RASA3: variants seen among roughly 807,000 people sequenced by gnomAD.
RASA3 encodes ras GTPase-activating protein 3.
Under a neutral mutation model 110.0 loss-of-function variants are expected in RASA3, and 73 were observed. The ratio of observed to expected loss-of-function variants is 0.66; its 90% CI spans 0.55 to 0.81. The LOEUF is 0.81. Ranked by LOEUF, RASA3 falls within the 30% of genes least tolerant of loss-of-function variation. The probability of loss-of-function intolerance (pLI) is 0.00; values close to 1 mark genes in which losing one functional copy is unlikely to be tolerated. For synonymous variants in RASA3, 500 were observed against 451.4 expected (o/e 1.11, Z -1.37); for missense variants, 976 against 1,113.2 (o/e 0.88, Z 1.75).
intron 2 of RASA3, among the ~76,000 whole-genome samples, chr13:114,060,040 C>T (rs759636421): frequency 2.0e-4 from 30 of 152,202 alleles, no homozygotes; most frequent in Non-Finnish European, 3.4e-4. Flanking sequence ...TGAGGAGACC[C>T]GCAGGAGGAC....
At chr13:114,030,010 A>C (rs1367817523) in intron 4 of RASA3, 123 bp from the exon 5 acceptor site, 4 of 829,866 alleles carry the variant, frequency 4.8e-6, no homozygotes, top group Non-Finnish European at 7.8e-6. Flanking sequence ...GCCCTGGCCA[A>C]TGGGCACGTC....
intron 2 of RASA3, among the ~76,000 whole-genome samples, chr13:114,054,881 G>T (rs1466550251): frequency 6.6e-6 from 1 of 152,256 alleles, no homozygotes; most frequent in African/African-American, 2.4e-5. Flanking sequence ...CTGATCTCCT[G>T]CGTCTGCGTG....
chr13:114,080,814 C>T (rs927221984), intron 1 of RASA3, among the ~76,000 whole-genome samples: 1 of 145,990 alleles, frequency 6.8e-6, no homozygotes, highest in African/African-American at 2.5e-5. Flanking sequence ...TGTCCTGCTG[C>T]ACACGGTGCC....
chr13:114,032,488 C>A (rs1005997318), intron 4 of RASA3, among the ~76,000 whole-genome samples: 10 of 152,144 alleles, frequency 6.6e-5, no homozygotes, highest in Admixed American at 2.0e-4. Flanking sequence ...GAAACCCTTG[C>A]CTGTGAACCC....
chr13:114,001,983 C>T (rs1157233807), intron 18 of RASA3, among the ~76,000 whole-genome samples: 3 of 152,282 alleles, frequency 2.0e-5, no homozygotes, highest in African/African-American at 7.2e-5. Flanking sequence ...GCGAGGAGGA[C>T]CTCAAGCCTT....
chr13:114,072,395 TTC>T (rs1397017035), intron 2 of RASA3, among the ~76,000 whole-genome samples: 1 of 152,206 alleles, frequency 6.6e-6, no homozygotes, highest in African/African-American at 2.4e-5. Flanking sequence ...GAGTTTGTTT[TTC>T]TTGGCTGACT....
chr13:113,992,595 A>G lies in RASA3; in HGVS notation c.2142-7T>C, dbSNP rs751072275. On this transcript the variant is annotated splice_polypyrimidine_tract_variant and splice_region_variant and intron_variant, in intron 21 of 23. Transcript: ENST00000334062. ...GATGTTGGCTGGGAGGCCGCTGTCCAGACACAGCAAGAACAGAAAGATAAA... is the reference window on the plus strand; with the variant it reads ...GATGTTGGCTGGGAGGCCGCTGTCCGGACACAGCAAGAACAGAAAGATAAA... The G allele has an allele frequency of 1.2e-6, 2 of 1,601,658 alleles. No individual in the cohort carries two copies. The highest frequency in any genetic ancestry group is 3.3e-5 in the Admixed American group (2 of 59,948).
intron 1 of RASA3, among the ~76,000 whole-genome samples, chr13:114,076,863 A>G (rs1184719275): frequency 1.3e-5 from 2 of 152,124 alleles, no homozygotes; most frequent in Admixed American, 6.5e-5. Context: ...ACACAGCTTG[A>G]CTTTGCTGAC....
intron 1 of RASA3, among the ~76,000 whole-genome samples, chr13:114,130,278 G>C (rs146821044): frequency 6.6e-6 from 1 of 152,330 alleles, no homozygotes; most frequent in Non-Finnish European, 1.5e-5. Flanking sequence ...GGAGGGGAGA[G>C]GAAACGGGGA....
rs148118462 is a variant in RASA3, at chr13:114,033,990, C to A, written c.373-4103G>T. 7.7e-3 allele frequency among the ~76,000 whole-genome samples: 1,180 copies of A among 152,372 alleles called. 9 individuals are homozygous for A. Among genetic ancestry groups the A allele is most frequent in the Non-Finnish European group, 0.013 (885 of 68,036 alleles). On this transcript the variant is annotated intron_variant, in intron 4 of 23. Coordinates refer to ENST00000334062, the MANE Select transcript of RASA3 (RefSeq NM_007368.4). ...TTCCCACACCCATCAGAGCTCAGGG[C>A]TGAGCGGAGTATCGCCTGTGGTCCT...
chr13:114,076,376 G>C lies in RASA3; in HGVS notation c.56-2539C>G, dbSNP rs191448416. On this transcript the variant is annotated intron_variant, in intron 1 of 23. Transcript: ENST00000334062. The stretch of plus-strand genomic sequence containing the variant: ...TGCGCCTTCTTCACCCGCTGCATGG[G>C]AGAACACAGCTAGGCTGCTACGAGG... 2.9e-4 allele frequency among the ~76,000 whole-genome samples: 44 copies of C among 152,318 alleles called. No homozygotes were observed. The East Asian group carries it at 8.5e-3, about 29-fold the overall frequency.
In RASA3 at chr13:113,996,094, TGATGGGGACCCGGCTGATGGGGGGCC is replaced by T. The variant is rs1420213107; in HGVS notation, c.2141+411_2141+436del. Among the ~76,000 whole-genome samples, 338 of 117,494 alleles carry T rather than the reference TGATGGGGACCCGGCTGATGGGGGGCC, an allele frequency of 2.9e-3. 1 individual carries two copies. Among genetic ancestry groups the T allele is most frequent in the Non-Finnish European group, 4.1e-3 (228 of 55,090 alleles). The allele number at this position is 117,494 out of a possible 152,430, so 77.1% of individuals were successfully genotyped here. A position where few individuals can be genotyped will look rare whatever the true frequency, so the allele number is the denominator to read the frequency against. Reference sequence around the variant, plus strand: ...GGGCCCGGCTGATGGGGGGCCCGGCTGATGGGGACCCGGCTGATGGGGGGCCGGGAAGACAACGGGCTGCTGCGTCA... The same window carrying T: ...GGGCCCGGCTGATGGGGGGCCCGGCTGGGAAGACAACGGGCTGCTGCGTCA... On this transcript the variant is annotated intron_variant, in intron 21 of 23. Coordinates refer to ENST00000334062, the MANE Select transcript of RASA3 (RefSeq NM_007368.4).
chr13:114,039,238 C>G (rs966059466), intron 4 of RASA3, among the ~76,000 whole-genome samples: 9 of 151,798 alleles, frequency 5.9e-5, no homozygotes, highest in Non-Finnish European at 1.3e-4. Flanking sequence ...ACTCACCCTC[C>G]TACGTCCCAG....
In RASA3 at chr13:114,017,243, G is replaced by A. The variant is rs769095942; in HGVS notation, c.1200C>T (p.Ile400=). 12 of 1,613,078 alleles carry A rather than the reference G, an allele frequency of 7.4e-6. No individual in the cohort carries two copies. The highest frequency in any genetic ancestry group is 6.7e-5 in the African/African-American group (5 of 74,916). The part of the protein sequence containing the change: ...HYLHVTLKPA[I]EEICQSHKPC... ...CTCTCGGCCCCGTGCTCACCTCCTC[G>A]ATGGCGGGCTTCAGGGTGACATGCA... The change falls in exon 12 of 24, where the codon ATC becomes ATT. Residue 400 remains isoleucine (I), a synonymous_variant. Transcript: ENST00000334062.
At chr13:114,062,047 C>T (rs564242887) in intron 2 of RASA3, among the ~76,000 whole-genome samples, 6 of 152,292 alleles carry the variant, frequency 3.9e-5, no homozygotes, top group South Asian at 4.1e-4. Flanking sequence ...ACCATGTCCA[C>T]GTCTGGGGTC....
rs754258285 is a variant in RASA3 at position 114,040,988 on chromosome 13, CG to C, written c.372+11del. The C allele has an allele frequency of 6.2e-7, 1 of 1,612,960 alleles. No homozygotes were observed. The highest frequency in any genetic ancestry group is 8.5e-7 in the Non-Finnish European group (1 of 1,179,874). ...AGGGCTCTGGTTTCCGGGGCTGCGC[CG>C]AGAGTCTCACCTGCACTTCCGAGTC... On this transcript the variant is annotated intron_variant, in intron 4 of 23. Transcript: ENST00000334062.
At chr13:114,053,318 C>CAGTG (rs887271812) in intron 2 of RASA3, among the ~76,000 whole-genome samples, 1 of 152,230 alleles carries the variant, frequency 6.6e-6, no homozygotes, top group African/African-American at 2.4e-5. Flanking sequence ...AAGCAGAAGC[C>CAGTG]AGTGGGCTTT....
chr13:114,067,495 C>T lies in RASA3; in HGVS notation c.173+6225G>A, dbSNP rs118185944. Among the ~76,000 whole-genome samples, 5 of 152,334 alleles carry T rather than the reference C, an allele frequency of 3.3e-5. No individual in the cohort carries two copies. The East Asian group carries it at 9.6e-4, about 29-fold the overall frequency. On this transcript the variant is annotated intron_variant, in intron 2 of 23. Transcript: ENST00000334062. ...GCAACTTGGTTTTTATTAAAAGCATCTGAGAGAATGAACCGTCTGTCTCCC... is the reference window on the plus strand; with the variant it reads ...GCAACTTGGTTTTTATTAAAAGCATTTGAGAGAATGAACCGTCTGTCTCCC...
chr13:114,043,837 G>GCCCCCCCCCC (rs544129523), intron 3 of RASA3, among the ~76,000 whole-genome samples: 2 of 22,826 alleles, frequency 8.8e-5, no homozygotes, highest in African/African-American at 3.4e-4. Context: ...CACTCGCTGA[G>GCCCCCCCCCC]CCCCCCGCCC....
Sources: allele counts gnomAD v4.1 joint callset (sites outside exome capture counted in the v4.1 genomes callset), GRCh38; gene constraint gnomAD v4.1.1; transcripts MANE v1.5; gene names NCBI Gene and HGNC (gene_info 2026-07-23, HGNC 2026-07-21).